Variants in ALS2 observed in about 807,000 individuals in gnomAD.
ALS2 encodes the protein alsin.
ALS2 carries 117 observed loss-of-function variants against 203.4 expected under a neutral mutation model. That is an observed-to-expected ratio of 0.58 (90% CI 0.50 to 0.67). The LOEUF is 0.67. Ranked by LOEUF, ALS2 falls within the 30% of genes least tolerant of loss-of-function variation. The pLI, the probability that ALS2 is intolerant of heterozygous loss-of-function variation, is 0.00. For synonymous variants in ALS2, 718 were observed against 725.9 expected (o/e 0.99, Z 0.17); for missense variants, 1,715 against 1,989.4 (o/e 0.86, Z 2.62).
intron 27 of ALS2, among the ~76,000 whole-genome samples, chr2:201,709,396 T>C (rs1207099505): frequency 2.0e-5 from 3 of 152,246 alleles, no homozygotes; most frequent in Non-Finnish European, 4.4e-5. Flanking sequence ...CTGTTTGTCT[T>C]TGTTCACTGA....
At position 201,746,760 on chromosome 2, in the gene ALS2, G is replaced by C. The variant is rs1053942142; in HGVS notation, c.1816-12C>G. The C allele has an allele frequency of 1.2e-6, 2 of 1,613,848 alleles. No homozygotes were observed. The highest frequency in any genetic ancestry group is 1.7e-6 in the Non-Finnish European group (2 of 1,179,982). ...TTTTCACTGCTTATCTGCAACGACAGAAAGATAGTGTCTGTCCAAGATAAA... is the reference window on the plus strand; with the variant it reads ...TTTTCACTGCTTATCTGCAACGACACAAAGATAGTGTCTGTCCAAGATAAA... On this transcript the variant is annotated splice_polypyrimidine_tract_variant and intron_variant, in intron 8 of 33. Coordinates refer to ENST00000264276, the MANE Select transcript of ALS2 (RefSeq NM_020919.4).
At chr2:201,706,393 GAA>G (rs35917459) in intron 29 of ALS2, among the ~76,000 whole-genome samples, 84,032 of 140,892 alleles carry the variant, frequency 0.6, 24,754 homozygotes, top group Admixed American at 0.68. Context: ...TTCAAAAAAA[GAA>G]AAAAAAAAAA....
intron 25 of ALS2, among the ~76,000 whole-genome samples, chr2:201,713,133 C>CTTTTTTTT (rs35807671): frequency 1.9e-4 from 18 of 96,238 alleles, no homozygotes; most frequent in Non-Finnish European, 2.5e-4. Context: ...CTTTTCTTTT[C>CTTTTTTTT]TTTTTTTTTT....
intron 9 of ALS2, 79 bp downstream of exon 9, chr2:201,746,487 A>G: frequency 1.3e-6 from 2 of 1,513,596 alleles, no homozygotes; most frequent in Non-Finnish European, 1.8e-6. Context: ...ATAATTAGCC[A>G]TACATACAAA....
intron 1 of ALS2, among the ~76,000 whole-genome samples, chr2:201,773,944 A>G (rs1166116026): frequency 2.0e-5 from 3 of 152,192 alleles, no homozygotes; most frequent in Non-Finnish European, 1.5e-5. Context: ...ATTTGCCAAC[A>G]CAGGTAACGG....
intron 1 of ALS2, 133 bp downstream of exon 1, chr2:201,780,744 C>A: frequency 6.5e-6 from 1 of 152,778 alleles, no homozygotes; most frequent in East Asian, 1.9e-4. Context: ...CTCCGCAGGC[C>A]CCCCGCAGGG....
At position 201,728,549 on chromosome 2, in the gene ALS2, C is replaced by A. The variant is rs2106011418; in HGVS notation, c.2804G>T (p.Trp935Leu). 1.2e-6 allele frequency: 2 copies of A among 1,614,120 alleles called. No individual in the cohort carries two copies. The highest frequency in any genetic ancestry group is 1.3e-5 in the African/African-American group (1 of 75,050). ...LQHAGRFSVNWFILFNDALVH... is the reference protein window; with the variant it reads ...LQHAGRFSVNLFILFNDALVH... ...CAGGGCATCATTAAAGAGAATGAAC[C>A]AATTCACGGAAAACCTCCCAGCATG... The change falls in exon 15 of 34, where the codon TGG becomes TTG. Residue 935 changes from tryptophan to leucine, a missense_variant. Trp to Leu is a moderately conservative substitution (Grantham distance 61). Coordinates refer to ENST00000264276, the MANE Select transcript of ALS2 (RefSeq NM_020919.4).
chr2:201,722,755 G>A, intron 23 of ALS2: 1 of 386,516 alleles, frequency 2.6e-6, no homozygotes, highest in Non-Finnish European at 4.6e-6. Flanking sequence ...TATACAAAAG[G>A]CCCAAAAAAG....
At chr2:201,767,621 G>A (rs911012813) in intron 2 of ALS2, among the ~76,000 whole-genome samples, 4 of 151,948 alleles carry the variant, frequency 2.6e-5, no homozygotes, top group African/African-American at 9.7e-5. Flanking sequence ...CCAGCCCTTT[G>A]GGAGGCCGAG....
intron 28 of ALS2, among the ~76,000 whole-genome samples, chr2:201,707,518 C>T (rs1689793436): frequency 6.6e-6 from 1 of 152,058 alleles, no homozygotes; most frequent in Non-Finnish European, 1.5e-5. Context: ...AGCCTTTAAC[C>T]TCCCAGGCCC....
At position 201,754,538 on chromosome 2, in the gene ALS2, C is replaced by T; in HGVS notation, c.1605G>A (p.Lys535=). 4 of 1,614,148 alleles carry T rather than the reference C, an allele frequency of 2.5e-6. No homozygotes were observed. The highest frequency in any genetic ancestry group is 3.4e-6 in the Non-Finnish European group (4 of 1,180,006). Residue 535 remains lysine, a synonymous_variant, in exon 6 of 34, where the codon AAG becomes AAA. Coordinates refer to ENST00000264276, the MANE Select transcript of ALS2 (RefSeq NM_020919.4). ...CATCGCCGTGCCCCAGCTGCCCTTC[C>T]TTCCCTTTCCCCCAGGTCCACACTT... is the stretch of plus-strand genomic sequence containing the variant. ...RTEVWTWGKG[K]EGQLGHGDVL... is the part of the protein sequence containing the mutation.
At position 201,710,102 on chromosome 2, in the gene ALS2, C is replaced by T. The variant is rs1210940; in HGVS notation, c.4123-64G>A. 1,570,420 of 1,576,186 alleles carry T rather than the reference C, an allele frequency of 1. 782,499 individuals carry two copies. The highest frequency in any genetic ancestry group is 1 in the East Asian group (44,636 of 44,636). Reference sequence around the variant, plus strand: ...ATTAACAGCAGAAACAATCCATCAACAAGAAACAACTTCATAAATGACACA... The same window carrying T: ...ATTAACAGCAGAAACAATCCATCAATAAGAAACAACTTCATAAATGACACA... On this transcript the variant is annotated intron_variant, in intron 26 of 33. Transcript: ENST00000264276.
At chr2:201,727,169 G>C in intron 17 of ALS2, 43 bp downstream of exon 17, 1 of 1,485,698 alleles carries the variant, frequency 6.7e-7, no homozygotes, top group Non-Finnish European at 9.4e-7. Context: ...GAGGCAGAAA[G>C]AGCCAGGGCG....
At chr2:201,769,785 C>G (rs1694289458) in intron 1 of ALS2, among the ~76,000 whole-genome samples, 1 of 152,050 alleles carries the variant, frequency 6.6e-6, no homozygotes, top group South Asian at 2.1e-4. Flanking sequence ...ATATTGGGGC[C>G]AAATTTGTGG....
intron 25 of ALS2, among the ~76,000 whole-genome samples, chr2:201,713,643 C>T (rs1019929864): frequency 6.6e-6 from 1 of 152,172 alleles, no homozygotes; most frequent in Non-Finnish European, 1.5e-5. Flanking sequence ...CAGTTTTCAA[C>T]CCCAAAATTT....
At chr2:201,757,260 T>G (rs1225970990) in intron 5 of ALS2, 142 bp downstream of exon 5, 2 of 757,650 alleles carry the variant, frequency 2.6e-6, no homozygotes, top group African/African-American at 3.5e-5. Context: ...AACTTTCTTT[T>G]AAAACCACCA....
intron 27 of ALS2, 37 bp from the exon 28 acceptor site, chr2:201,708,028 C>T (rs1448957330): frequency 1.9e-6 from 3 of 1,578,580 alleles, no homozygotes; most frequent in Non-Finnish European, 2.6e-6. Context: ...TACAATTATA[C>T]CTCTAGGGGG....
chr2:201,770,728 C>T (rs888945339), intron 1 of ALS2, among the ~76,000 whole-genome samples: 6 of 152,134 alleles, frequency 3.9e-5, no homozygotes, highest in African/African-American at 1.4e-4. Context: ...ATGATGGAGG[C>T]AGGGTCAGAG....
At chr2:201,734,729 C>T (rs768056522) in intron 12 of ALS2, among the ~76,000 whole-genome samples, 3 of 152,238 alleles carry the variant, frequency 2.0e-5, no homozygotes, top group Non-Finnish European at 4.4e-5. Flanking sequence ...TTGTGAACTC[C>T]ATTACTTTCC....
Sources: gnomAD v4.1 joint callset for allele counts (sites outside exome capture counted in the v4.1 genomes callset) on GRCh38, gnomAD v4.1.1 for gene constraint, MANE v1.5 for transcripts, NCBI Gene and HGNC (gene_info 2026-07-23, HGNC 2026-07-21) for gene names.